RB1CC1: variants seen among roughly 807,000 people sequenced by gnomAD.
RB1CC1 encodes the protein RB1-inducible coiled-coil protein 1.
Under a neutral mutation model 177.5 loss-of-function variants are expected in RB1CC1, and 46 were observed. The observed-to-expected ratio is 0.26, with a 90% CI of 0.20 to 0.33. The LOEUF (loss-of-function observed/expected upper bound fraction) is 0.33, where lower values mean the gene tolerates loss of function less well. Ranked by LOEUF, RB1CC1 falls within the 10% of genes least tolerant of loss-of-function variation. The pLI is 1.00. For missense variants in RB1CC1, 1,703 were observed against 1,816.3 expected, an observed-to-expected ratio of 0.94 and a Z score of 1.13; for synonymous variants, 666 against 613.6, an observed-to-expected ratio of 1.09 and a Z score of -1.26.
At chr8:52,644,506 G>A (rs530414530) in intron 16 of RB1CC1, among the ~76,000 whole-genome samples, 2 of 152,254 alleles carry the variant, frequency 1.3e-5, no homozygotes, top group South Asian at 2.1e-4. Context: ...TCATAGAGAA[G>A]AATCTATAAA....
chr8:52,645,609 A>G, intron 16 of RB1CC1, 93 bp downstream of exon 16: 1 of 1,284,158 alleles, frequency 7.8e-7, no homozygotes, highest in South Asian at 1.5e-5. Flanking sequence ...CATCTAAGAT[A>G]TAAGAAACCC....
At chr8:52,704,883 C>T (rs1856416655) in intron 1 of RB1CC1, among the ~76,000 whole-genome samples, 2 of 152,146 alleles carry the variant, frequency 1.3e-5, no homozygotes, top group Admixed American at 1.3e-4. Flanking sequence ...ACTTGATGCT[C>T]ATTTTATATA....
At chr8:52,709,509 T>C (rs750022249) in intron 1 of RB1CC1, among the ~76,000 whole-genome samples, 8 of 152,018 alleles carry the variant, frequency 5.3e-5, no homozygotes, top group Non-Finnish European at 8.8e-5. Flanking sequence ...GAGGCCGAGG[T>C]GGGTGGCTCA....
chr8:52,677,048 G>C (rs1437626145), intron 5 of RB1CC1, among the ~76,000 whole-genome samples: 1 of 152,120 alleles, frequency 6.6e-6, no homozygotes, highest in African/African-American at 2.4e-5. Context: ...TCAGAAAATA[G>C]ACATCTGACA....
intron 1 of RB1CC1, among the ~76,000 whole-genome samples, chr8:52,692,341 CTTT>C (rs558566430): frequency 3.3e-5 from 5 of 151,768 alleles, no homozygotes; most frequent in African/African-American, 9.7e-5. Context: ...TACAAAAAAT[CTTT>C]TTTTTAAAGT....
In RB1CC1 at chr8:52,660,943, G is replaced by C. The variant is rs868005404; in HGVS notation, c.1610C>G (p.Ser537Cys). Residue 537 changes from serine (S) to cysteine (C), a missense_variant, in exon 11 of 24, where the codon TCC becomes TGC. Physicochemically the swap from Ser to Cys is moderately radical, Grantham distance 112. Coordinates refer to ENST00000025008, the MANE Select transcript of RB1CC1 (RefSeq NM_014781.5). ...LYEAEKSKRESFGKLFRKSFL... is the reference protein window; with the variant it reads ...LYEAEKSKRECFGKLFRKSFL... ...ACACTTACTAAATAATTTCCCAAAG[G>C]ATTCCCTTTTTGATTTTTCTGCTTC... 1.9e-6 allele frequency: 3 copies of C among 1,611,286 alleles called. No individual in the cohort carries two copies. Among genetic ancestry groups the C allele is most frequent in the Non-Finnish European group, 2.5e-6 (3 of 1,178,236 alleles).
At chr8:52,681,892 T>C (rs539574440) in intron 5 of RB1CC1, among the ~76,000 whole-genome samples, 4 of 152,336 alleles carry the variant, frequency 2.6e-5, no homozygotes, top group African/African-American at 9.6e-5. Context: ...GGCAGGGCCC[T>C]CATGGAGAAC....
At chr8:52,670,447 G>A (rs748889199) in intron 7 of RB1CC1, among the ~76,000 whole-genome samples, 8 of 152,092 alleles carry the variant, frequency 5.3e-5, no homozygotes, top group Admixed American at 1.3e-4. Context: ...TTTTAACTGA[G>A]AAAGAAACTA....
Position 52,696,624 on chromosome 8 carries a change from AC to A in RB1CC1, c.-166-9658del, listed in dbSNP as rs1167722025. Among the ~76,000 whole-genome samples, 3 of 152,300 alleles carry A rather than the reference AC, an allele frequency of 2.0e-5. No homozygotes were observed. The East Asian group carries it at 5.8e-4, about 29-fold the overall frequency. On this transcript the variant is annotated intron_variant, in intron 1 of 23. Transcript: ENST00000025008. ...CATAATGATACTCAAAAAAACAAAA[AC>A]AAAAAACCTCAGTGAGCTAAGATAG...
chr8:52,711,824 T>C (rs1319368784), intron 1 of RB1CC1, among the ~76,000 whole-genome samples: 3 of 152,242 alleles, frequency 2.0e-5, no homozygotes, highest in Non-Finnish European at 4.4e-5. Context: ...TTCATTTTTC[T>C]TGGTATATGC....
Position 52,623,862 on chromosome 8 carries a change from A to G in RB1CC1, c.4708-3T>C. ...GGAACTTTAAATCTGTTTTGTGCCTAAGAGGGAAAGAAAAAATGGAATCAC... is the reference window on the plus strand; with the variant it reads ...GGAACTTTAAATCTGTTTTGTGCCTGAGAGGGAAAGAAAAAATGGAATCAC... On this transcript the variant is annotated splice_region_variant and splice_polypyrimidine_tract_variant and intron_variant, in intron 23 of 23. Transcript: ENST00000025008. 6.3e-7 allele frequency: 1 copy of G among 1,592,106 alleles called. No homozygotes were observed. The highest frequency in any genetic ancestry group is 1.1e-5 in the South Asian group (1 of 90,568).
intron 15 of RB1CC1, among the ~76,000 whole-genome samples, chr8:52,646,320 C>CAA (rs1052027482): frequency 1.3e-5 from 2 of 150,010 alleles, no homozygotes; most frequent in Non-Finnish European, 3.0e-5. Flanking sequence ...AAACAAACAA[C>CAA]AAAAAAAAAC....
chr8:52,625,545 T>C (rs1237017858), intron 22 of RB1CC1, among the ~76,000 whole-genome samples: 1 of 152,158 alleles, frequency 6.6e-6, no homozygotes, highest in Admixed American at 6.5e-5. Context: ...CAACTTATGA[T>C]AAGGTTATGT....
At chr8:52,666,908 G>A (rs1209340377) in intron 8 of RB1CC1, among the ~76,000 whole-genome samples, 2 of 152,170 alleles carry the variant, frequency 1.3e-5, no homozygotes, top group African/African-American at 4.8e-5. Context: ...ACGTCTAACT[G>A]GAATCACTGA....
chr8:52,645,712 G>T lies in RB1CC1; in HGVS notation c.3977C>A (p.Ala1326Glu). 1 of 1,611,828 alleles carries T rather than the reference G, an allele frequency of 6.2e-7. No individual in the cohort carries two copies. Among genetic ancestry groups the T allele is most frequent in the Non-Finnish European group, 8.5e-7 (1 of 1,179,096 alleles). Residue 1326 changes from alanine (A) to glutamate (E), a missense_variant, in exon 16 of 24, where the codon GCG becomes GAG. Around this residue, in one of 6 missense-constraint regions of RB1CC1, gnomAD observed 1,169 missense variants for 1,184.7 expected, o/e 0.99. Transcript: ENST00000025008. Reference sequence around the variant, plus strand: ...AAAAGAGATACAGACCTGTTGTTCCGCAATCAAAGATGTTCGAACATTTTG... The same window carrying T: ...AAAAGAGATACAGACCTGTTGTTCCTCAATCAAAGATGTTCGAACATTTTG... Reference protein sequence around the residue: ...EMQNVRTSLIAEQQTNFNTVL... With the variant: ...EMQNVRTSLIEEQQTNFNTVL...
chr8:52,670,608 C>T (rs942404307), intron 7 of RB1CC1, among the ~76,000 whole-genome samples: 3 of 152,188 alleles, frequency 2.0e-5, no homozygotes. Context: ...TAGAAATGTG[C>T]TAAATGCAGA....
chr8:52,669,952 C>T (rs571906170), intron 7 of RB1CC1, among the ~76,000 whole-genome samples: 81 of 145,130 alleles, frequency 5.6e-4, no homozygotes, highest in Admixed American at 2.9e-4. Flanking sequence ...TACACAACTT[C>T]CTAAAAAAAA....
In RB1CC1 at chr8:52,656,145, TTC is replaced by T; in HGVS notation, c.3682_3683del (p.Glu1228ThrfsTer7). On this transcript the variant is annotated frameshift_variant, in exon 15 of 24. Coordinates refer to ENST00000025008, the MANE Select transcript of RB1CC1 (RefSeq NM_014781.5). LOFTEE classifies it high-confidence loss of function. ...CACAATTAAGCTTCTGAATTAACTG[TTC>T]TCTGTCTTGCTCCTGGCTGCTGACC... ...KLVSSQEQDREQLIQKLNCEK... is the reference protein window; with the variant it reads ...KLVSSQEQDRXQLIQKLNCEK... 6.2e-7 allele frequency: 1 copy of T among 1,613,872 alleles called. No homozygotes were observed. The highest frequency in any genetic ancestry group is 8.5e-7 in the Non-Finnish European group (1 of 1,179,886).
Position 52,623,778 on chromosome 8 carries a change from T to A in RB1CC1, c.*4A>T. 1 of 1,582,094 alleles carries A rather than the reference T, an allele frequency of 6.3e-7. No homozygotes were observed. The highest frequency in any genetic ancestry group is 8.7e-7 in the Non-Finnish European group (1 of 1,151,476). On this transcript the variant is annotated 3_prime_UTR_variant, in exon 24 of 24. Coordinates refer to ENST00000025008, the MANE Select transcript of RB1CC1 (RefSeq NM_014781.5). ...TCATAGAATGTATTAATTTTGTCCA[T>A]AAGTTATACTTTCTTATTCCATGAT...
Sources: allele counts gnomAD v4.1 joint callset (sites outside exome capture counted in the v4.1 genomes callset), GRCh38; gene constraint gnomAD v4.1.1; regional missense constraint gnomAD v4.1.1; transcripts MANE v1.5; gene names NCBI Gene and HGNC (gene_info 2026-07-23, HGNC 2026-07-21).